Variants in PDK1 observed in about 807,000 individuals in gnomAD.
The protein encoded by PDK1 is pyruvate dehydrogenase kinase 1.
PDK1 carries 39 observed loss-of-function variants against 54.2 expected under a neutral mutation model. That is an observed-to-expected ratio of 0.72 (90% confidence interval 0.56 to 0.94). The LOEUF is 0.94. Among genes scored for constraint, PDK1 ranks in the 40% least tolerant of loss-of-function variants. The pLI, the probability that PDK1 is intolerant of heterozygous loss-of-function variation, is 0.00. For synonymous variants in PDK1, 221 were observed against 207.1 expected (o/e 1.07, Z -0.58); for missense variants, 552 against 566.0 (o/e 0.98, Z 0.25).
At chr2:172,663,736 T>G in the PDK1 span, among the ~76,000 whole-genome samples, 5 of 152,126 alleles carry the variant, frequency 3.3e-5, no homozygotes, top group African/African-American at 1.2e-4. Flanking sequence ...CAGGAAGCAC[T>G]CTAGCTGGGA....
intron 8 of PDK1, among the ~76,000 whole-genome samples, chr2:172,579,846 C>A (rs1056010513): frequency 6.6e-6 from 1 of 151,566 alleles, no homozygotes; most frequent in African/African-American, 2.4e-5. Context: ...TGTGTTTAGT[C>A]TCTTTCTGAT....
chr2:172,677,920 G>A, the PDK1 span, among the ~76,000 whole-genome samples: 1 of 152,204 alleles, frequency 6.6e-6, no homozygotes, highest in Non-Finnish European at 1.5e-5. Context: ...TGTAATCCCA[G>A]CACTTTGGGA....
chr2:172,658,059 C>T, the PDK1 span, among the ~76,000 whole-genome samples: 4 of 152,128 alleles, frequency 2.6e-5, no homozygotes, highest in African/African-American at 4.8e-5. Flanking sequence ...GGATACTAAT[C>T]GAGTGAGAAC....
chr2:172,668,897 A>ACACG, the PDK1 span, among the ~76,000 whole-genome samples: 1 of 98,120 alleles, frequency 1.0e-5, no homozygotes, highest in Non-Finnish European at 2.0e-5. Context: ...ACACACACAT[A>ACACG]TATATATATA....
the PDK1 span, among the ~76,000 whole-genome samples, chr2:172,715,741 A>T: frequency 2.0e-5 from 3 of 152,340 alleles, no homozygotes; most frequent in Admixed American, 2.0e-4. Flanking sequence ...AAATTGTTAC[A>T]TGTGAACTGC....
chr2:172,696,707 A>G, the PDK1 span, among the ~76,000 whole-genome samples: 1 of 152,180 alleles, frequency 6.6e-6, no homozygotes, highest in African/African-American at 2.4e-5. Context: ...TGGAAAGAGT[A>G]AATTTAATTT....
chr2:172,590,571 T>C (rs1403261601), intron 9 of PDK1, among the ~76,000 whole-genome samples: 1 of 152,088 alleles, frequency 6.6e-6, no homozygotes, highest in Non-Finnish European at 1.5e-5. Context: ...ACTTCAGGAG[T>C]GAAGCTGCAG....
At chr2:172,670,362 A>C in the PDK1 span, among the ~76,000 whole-genome samples, 1 of 152,262 alleles carries the variant, frequency 6.6e-6, no homozygotes, top group Non-Finnish European at 1.5e-5. Flanking sequence ...TGACAATTAT[A>C]ATTTAATTTA....
Position 172,564,972 on chromosome 2 carries a change from G to A in PDK1, c.596-6G>A. The A allele has an allele frequency of 1.3e-6, 2 of 1,598,334 alleles. No homozygotes were observed. The highest frequency in any genetic ancestry group is 4.5e-5 in the East Asian group (2 of 44,716). On this transcript the variant is annotated splice_region_variant and splice_polypyrimidine_tract_variant and intron_variant, in intron 4 of 10. Coordinates refer to ENST00000282077, the MANE Select transcript of PDK1 (RefSeq NM_002610.5). ...TATTTTGTTGGTTTTTTTCCTTTTTGGATAGCTTTATTGTTTGGTGGAAAA... is the reference window on the plus strand; with the variant it reads ...TATTTTGTTGGTTTTTTTCCTTTTTAGATAGCTTTATTGTTTGGTGGAAAA...
chr2:172,671,155 TTTC>T, the PDK1 span, among the ~76,000 whole-genome samples: 1 of 151,710 alleles, frequency 6.6e-6, no homozygotes, highest in Non-Finnish European at 1.5e-5. Context: ...CTGAGTATCT[TTTC>T]TTTATCATAT....
Position 172,608,401 on chromosome 2 carries a change from T to C in PDK1, c.*12432T>C, listed in dbSNP as rs750901364. 4 of 152,158 alleles carry C rather than the reference T, an allele frequency of 2.6e-5. No individual in the cohort carries two copies. The highest frequency in any genetic ancestry group is 6.6e-5 in the Admixed American group (1 of 15,266). 9.4% of individuals were successfully genotyped at this position (152,158 alleles called of 1,614,324 possible). A position where few individuals can be genotyped will look rare whatever the true frequency, so the allele number is the denominator to read the frequency against. ...TTCTGGGGTATTTTGGCTAATGTTA[T>C]TTGCAATGTCCATAAACTCAGAAGA... On this transcript the variant is annotated 3_prime_UTR_variant, in exon 11 of 11. Coordinates refer to ENST00000282077, the MANE Select transcript of PDK1 (RefSeq NM_002610.5).
the PDK1 span, among the ~76,000 whole-genome samples, chr2:172,676,430 G>T: frequency 6.6e-6 from 1 of 152,130 alleles, no homozygotes; most frequent in Non-Finnish European, 1.5e-5. Flanking sequence ...CAGGAGTTTG[G>T]GTGTTGAGTC....
At chr2:172,653,307 T>C in the PDK1 span, among the ~76,000 whole-genome samples, 1 of 152,058 alleles carries the variant, frequency 6.6e-6, no homozygotes. Flanking sequence ...TTACATCTAA[T>C]ACAAAAATTA....
intron 1 of PDK1, 96 bp downstream of exon 1, chr2:172,556,442 C>T (rs1688329376): frequency 1.1e-6 from 1 of 877,922 alleles, no homozygotes; most frequent in Non-Finnish European, 1.6e-6. Flanking sequence ...CCAGCTCTCG[C>T]CTGAGGCGCA....
the PDK1 span, among the ~76,000 whole-genome samples, chr2:172,682,688 A>C: frequency 2.0e-5 from 3 of 152,178 alleles, no homozygotes; most frequent in Admixed American, 1.3e-4. Context: ...GAAAGGAATA[A>C]ATTTCTTGTT....
chr2:172,578,194 C>T lies in PDK1; in HGVS notation c.945+7370C>T, dbSNP rs184719269. Among the ~76,000 whole-genome samples the T allele has an allele frequency of 2.5e-3, 382 of 152,292 alleles. 2 individuals carry two copies. The highest frequency in any genetic ancestry group is 4.4e-3 in the Non-Finnish European group (302 of 68,010). Reference sequence around the variant, plus strand: ...GGTTTGGATGAGAAATCAGCTGTTACAATCTTATTGAATATTGCACATATG... The same window carrying T: ...GGTTTGGATGAGAAATCAGCTGTTATAATCTTATTGAATATTGCACATATG... On this transcript the variant is annotated intron_variant, in intron 8 of 10. Transcript: ENST00000282077.
chr2:172,703,291 C>G, the PDK1 span, among the ~76,000 whole-genome samples: 3 of 152,164 alleles, frequency 2.0e-5, no homozygotes, highest in Non-Finnish European at 4.4e-5. Context: ...TTGATTTCAG[C>G]CCAGTGATAC....
the PDK1 span, among the ~76,000 whole-genome samples, chr2:172,704,607 C>T: frequency 6.6e-6 from 1 of 152,224 alleles, no homozygotes; most frequent in African/African-American, 2.4e-5. Context: ...AGCCCACATC[C>T]AAAGCACCAC....
intron 4 of PDK1, 48 bp from the exon 5 acceptor site, chr2:172,564,930 C>A: frequency 3.3e-6 from 4 of 1,220,188 alleles, no homozygotes; most frequent in Non-Finnish European, 4.9e-6. Flanking sequence ...TGGAAAAGAG[C>A]ATTAGGTGGT....
Sources: allele counts gnomAD v4.1 joint callset (sites outside exome capture counted in the v4.1 genomes callset), GRCh38; gene constraint gnomAD v4.1.1; transcripts MANE v1.5; gene names NCBI Gene and HGNC (gene_info 2026-07-23, HGNC 2026-07-21).